NAA16: variants seen among roughly 807,000 people sequenced by gnomAD.
NAA16 encodes the protein N-alpha-acetyltransferase 16, NatA auxiliary subunit.
Under a neutral mutation model 110.3 loss-of-function variants are expected in NAA16, and 97 were observed. The ratio of observed to expected loss-of-function variants is 0.88; its 90% CI spans 0.75 to 1.04. The LOEUF (loss-of-function observed/expected upper bound fraction) is 1.04, where lower values mean the gene tolerates loss of function less well. Ranked by LOEUF, NAA16 falls within the 50% of genes least tolerant of loss-of-function variation. The pLI is 0.00. For missense variants in NAA16, 1,017 were observed against 1,005.1 expected (o/e 1.01, Z -0.16); for synonymous variants, 372 against 330.6 (o/e 1.13, Z -1.36).
At chr13:41,359,614 G>T (rs967124151) in intron 12 of NAA16, among the ~76,000 whole-genome samples, 1 of 152,030 alleles carries the variant, frequency 6.6e-6, no homozygotes, top group Non-Finnish European at 1.5e-5. Context: ...TATATTGCTG[G>T]GACAATTAGT....
rs531946959 is a variant in NAA16, at chr13:41,323,431, A to G, written c.537+241A>G. On this transcript the variant is annotated intron_variant, in intron 5 of 19. Transcript: ENST00000379406. ...AGTGGCACGATCTCGGCTTGCTGCAAGCTCTGCCTCCCGGGTTCAAGCCAT... is the reference window on the plus strand; with the variant it reads ...AGTGGCACGATCTCGGCTTGCTGCAGGCTCTGCCTCCCGGGTTCAAGCCAT... Among the ~76,000 whole-genome samples the G allele has an allele frequency of 5.3e-5, 8 of 150,806 alleles. No individual in the cohort carries two copies. The South Asian group carries it at 1.7e-3, about 32-fold the overall frequency.
At chr13:41,373,033 G>A in intron 17 of NAA16, 1 of 786,418 alleles carries the variant, frequency 1.3e-6, no homozygotes, top group Non-Finnish European at 1.5e-6. Context: ...AATATAAGTT[G>A]TCTTACATTA....
intron 7 of NAA16, among the ~76,000 whole-genome samples, chr13:41,329,475 G>A (rs954225603): frequency 6.7e-6 from 1 of 149,822 alleles, no homozygotes; most frequent in African/African-American, 2.4e-5. Context: ...AAATAATTAT[G>A]AAGTTGGCTC....
intron 9 of NAA16, 93 bp downstream of exon 9, chr13:41,336,849 T>C (rs1173546574): frequency 1.1e-5 from 7 of 659,668 alleles, no homozygotes; most frequent in Non-Finnish European, 1.7e-5. Context: ...ACTTAATCAT[T>C]TTCTTTGTTT....
intron 8 of NAA16, among the ~76,000 whole-genome samples, chr13:41,333,601 T>TG (rs1178406793): frequency 1.3e-5 from 2 of 152,036 alleles, no homozygotes; most frequent in Non-Finnish European, 2.9e-5. Context: ...ATATTGTGTG[T>TG]GGGGGGGATA....
At chr13:41,372,906 C>G (rs548123114) in intron 17 of NAA16, 76 bp downstream of exon 17, 3 of 1,324,248 alleles carry the variant, frequency 2.3e-6, no homozygotes, top group South Asian at 4.0e-5. Flanking sequence ...CTCTGTTGAT[C>G]TGATAAATAT....
At chr13:41,324,870 C>T (rs79574635) in intron 5 of NAA16, among the ~76,000 whole-genome samples, 3,080 of 148,306 alleles carry the variant, frequency 0.021, 61 homozygotes, top group South Asian at 0.084. Context: ...CTGTGCCTGA[C>T]AATGTTGTGT....
At chr13:41,334,030 C>G (rs776546115) in intron 8 of NAA16, among the ~76,000 whole-genome samples, 2 of 151,798 alleles carry the variant, frequency 1.3e-5, no homozygotes, top group South Asian at 4.2e-4. Flanking sequence ...TTACAAAGCT[C>G]CAGTGAATAT....
At chr13:41,333,785 G>A (rs374599186) in intron 8 of NAA16, among the ~76,000 whole-genome samples, 93 of 151,644 alleles carry the variant, frequency 6.1e-4, no homozygotes, top group African/African-American at 2.0e-3. Flanking sequence ...TTTACTAAAA[G>A]CCCTCAATAT....
In NAA16 at chr13:41,358,824, CAAA is replaced by C. The variant is rs758494129; in HGVS notation, c.1273_1275del (p.Lys425del). On this transcript the variant is annotated inframe_deletion, in exon 12 of 20. Coordinates refer to ENST00000379406, the MANE Select transcript of NAA16 (RefSeq NM_024561.5). ...ATCTTTTATAGCATATAGGTAATCTCAAAGAAGCTGCAAAGTGGATGGATGAAG... is the reference window on the plus strand; with the variant it reads ...ATCTTTTATAGCATATAGGTAATCTCGAAGCTGCAAAGTGGATGGATGAAG... 1.2e-6 allele frequency: 2 copies of C among 1,601,600 alleles called. No homozygotes were observed. The highest frequency in any genetic ancestry group is 8.5e-7 in the Non-Finnish European group (1 of 1,172,178).
chr13:41,319,697 A>T (rs1394106880), intron 3 of NAA16, among the ~76,000 whole-genome samples: 1 of 151,180 alleles, frequency 6.6e-6, no homozygotes, highest in Non-Finnish European at 1.5e-5. Flanking sequence ...TTGTACTTTC[A>T]GTAGAGATGG....
intron 9 of NAA16, among the ~76,000 whole-genome samples, chr13:41,347,529 TG>T (rs1270937927): frequency 6.6e-6 from 1 of 152,216 alleles, no homozygotes; most frequent in African/African-American, 2.4e-5. Flanking sequence ...TTTCAACCAA[TG>T]TTTTGTAATT....
intron 14 of NAA16, 70 bp from the exon 15 acceptor site, chr13:41,369,020 A>G (rs2043263297): frequency 6.0e-6 from 8 of 1,324,218 alleles, no homozygotes; most frequent in Non-Finnish European, 8.3e-6. Flanking sequence ...TACTAACAGT[A>G]TGTATTACAG....
At chr13:41,358,270 T>A (rs779657371) in intron 10 of NAA16, 34 bp from the exon 11 acceptor site, 1 of 1,555,166 alleles carries the variant, frequency 6.4e-7, no homozygotes, top group African/African-American at 1.4e-5. Flanking sequence ...CTTTACATTC[T>A]TTCTATAATA....
rs1342615908 is a variant in NAA16, at chr13:41,325,750, A to G, written c.590A>G (p.Asn197Ser). 6.2e-7 allele frequency: 1 copy of G among 1,604,410 alleles called. No individual in the cohort carries two copies. The highest frequency in any genetic ancestry group is 8.5e-7 in the Non-Finnish European group (1 of 1,172,340). ...TATAGTGAATTGATATTATACCAGA[A>G]TCAAGTGATGAGAGAGGCAGATCTG... Reference protein sequence around the residue: ...YEYSELILYQNQVMREADLLQ... With the variant: ...YEYSELILYQSQVMREADLLQ... Residue 197 changes from asparagine (N) to serine (S), a missense_variant, in exon 6 of 20, where the codon AAT becomes AGT. Transcript: ENST00000379406.
intron 9 of NAA16, chr13:41,354,644 C>T (rs2042932715): frequency 6.6e-6 from 1 of 152,302 alleles, no homozygotes; most frequent in Non-Finnish European, 1.5e-5. Flanking sequence ...GGTATACGTG[C>T]TGCTGAAGTG....
intron 7 of NAA16, among the ~76,000 whole-genome samples, chr13:41,330,357 A>G (rs2042206526): frequency 6.6e-6 from 1 of 151,972 alleles, no homozygotes. Context: ...CTTGAATATC[A>G]ATACTTATAA....
At chr13:41,374,404 A>G (rs1197430212) in intron 18 of NAA16, 1 of 179,758 alleles carries the variant, frequency 5.6e-6, no homozygotes, top group Non-Finnish European at 1.2e-5. Context: ...AGGGCAGTCC[A>G]TATTTACATT....
chr13:41,353,830 T>C (rs2042909165), intron 9 of NAA16, among the ~76,000 whole-genome samples: 1 of 151,852 alleles, frequency 6.6e-6, no homozygotes, highest in South Asian at 2.1e-4. Flanking sequence ...AGAATATTTC[T>C]AACAAATTGC....
Sources: allele counts gnomAD v4.1 joint callset (sites outside exome capture counted in the v4.1 genomes callset), GRCh38; gene constraint gnomAD v4.1.1; transcripts MANE v1.5; gene names NCBI Gene and HGNC (gene_info 2026-07-23, HGNC 2026-07-21).